TANGO6: variants seen among roughly 807,000 people sequenced by gnomAD.
TANGO6 encodes transport and golgi organization 6 homolog.
A neutral mutation model predicts 114.2 loss-of-function variants in TANGO6; 90 were observed. That is an observed-to-expected ratio of 0.79 (90% confidence interval 0.66 to 0.94). The LOEUF (loss-of-function observed/expected upper bound fraction) is 0.94, where lower values mean the gene tolerates loss of function less well. Among genes scored for constraint, TANGO6 ranks in the 40% least tolerant of loss-of-function variants. TANGO6 has a pLI of 0.00. For synonymous variants in TANGO6, 477 were observed against 509.8 expected (o/e 0.94, Z 0.87); for missense variants, 1,274 against 1,315.3 (o/e 0.97, Z 0.49).
intron 17 of TANGO6, among the ~76,000 whole-genome samples, chr16:69,057,777 C>T (rs1321419361): frequency 6.6e-6 from 1 of 152,128 alleles, no homozygotes; most frequent in Non-Finnish European, 1.5e-5. Context: ...AGTGTTCAGG[C>T]ACCCGGGTTT....
chr16:68,902,393 G>A lies in TANGO6; in HGVS notation c.1556G>A (p.Ser519Asn). 2 of 1,613,744 alleles carry A rather than the reference G, an allele frequency of 1.2e-6. No homozygotes were observed. The highest frequency in any genetic ancestry group is 1.7e-5 in the Admixed American group (1 of 59,986). The stretch of plus-strand genomic sequence containing the variant: ...CTGGAAAGGAAGAAGGCAATTGCCA[G>A]CCTGAAAGGATTTGCAGGGTTGGAC... ...GKLERKKAIA[S>N]LKGFAGLDKA... Residue 519 changes from serine (S) to asparagine (N), a missense_variant, in exon 9 of 18, where the codon AGC becomes AAC. Coordinates refer to ENST00000261778, the MANE Select transcript of TANGO6 (RefSeq NM_024562.2).
At chr16:68,858,493 G>T (rs1360804664) in intron 1 of TANGO6, among the ~76,000 whole-genome samples, 1 of 152,052 alleles carries the variant, frequency 6.6e-6, no homozygotes, top group East Asian at 1.9e-4. Context: ...TATATTGTTT[G>T]GTTTTTGGCA....
rs550415163 is a variant in TANGO6 at position 68,846,532 on chromosome 16, G to A, written c.94+2821G>A. 1.9e-5 allele frequency: 6 copies of A among 322,194 alleles called. No individual in the cohort carries two copies. In the East Asian group the frequency reaches 8.3e-4, roughly 44 times the overall value. The allele number at this position is 322,194 out of a possible 1,614,324, so 20.0% of individuals were successfully genotyped here. Reference sequence around the variant, plus strand: ...TTTTTTTTAGACGGAGTCTTGCTCTGTCGCCCAAGCTGGAGTGCAGTGGTG... The same window carrying A: ...TTTTTTTTAGACGGAGTCTTGCTCTATCGCCCAAGCTGGAGTGCAGTGGTG... On this transcript the variant is annotated intron_variant, in intron 1 of 17. Transcript: ENST00000261778.
At chr16:68,930,434 C>G in intron 14 of TANGO6, 139 bp downstream of exon 14, 1 of 651,324 alleles carries the variant, frequency 1.5e-6, no homozygotes, top group Non-Finnish European at 2.7e-6. Context: ...AGCTAGGACA[C>G]TTTAAGTCAT....
At chr16:68,896,520 A>G (rs1962707463) in intron 7 of TANGO6, among the ~76,000 whole-genome samples, 1 of 151,998 alleles carries the variant, frequency 6.6e-6, no homozygotes, top group African/African-American at 2.4e-5. Flanking sequence ...TATGTTGCCC[A>G]GGCTGGTCTT....
chr16:69,066,637 T>A (rs1455825478), intron 17 of TANGO6, among the ~76,000 whole-genome samples: 1 of 152,192 alleles, frequency 6.6e-6, no homozygotes, highest in Non-Finnish European at 1.5e-5. Flanking sequence ...AACCCAATTT[T>A]CTTAATGTGG....
intron 5 of TANGO6, among the ~76,000 whole-genome samples, chr16:68,877,430 C>G (rs1211530490): frequency 1.4e-5 from 2 of 145,804 alleles, no homozygotes; most frequent in Non-Finnish European, 3.0e-5. Context: ...ATTGCACCAC[C>G]GTATTCCAGC....
intron 14 of TANGO6, among the ~76,000 whole-genome samples, chr16:68,952,178 G>T (rs967914918): frequency 3.3e-5 from 5 of 152,128 alleles, no homozygotes; most frequent in Non-Finnish European, 5.9e-5. Flanking sequence ...GCAGAACAGC[G>T]ATTTAAATTT....
chr16:69,077,068 G>T (rs1205310713), intron 17 of TANGO6, among the ~76,000 whole-genome samples: 1 of 151,650 alleles, frequency 6.6e-6, no homozygotes, highest in Admixed American at 6.6e-5. Flanking sequence ...TGGAGACAGG[G>T]TCTCACTCTG....
intron 17 of TANGO6, among the ~76,000 whole-genome samples, chr16:69,056,576 CA>C (rs535868428): frequency 1.6e-3 from 211 of 128,806 alleles, no homozygotes; most frequent in Non-Finnish European, 1.7e-3. Flanking sequence ...AGTCCTGCAG[CA>C]AAAAAAAAAA....
intron 17 of TANGO6, among the ~76,000 whole-genome samples, chr16:69,076,208 C>T (rs1216229829): frequency 6.8e-6 from 1 of 146,966 alleles, no homozygotes; most frequent in Non-Finnish European, 1.5e-5. Context: ...TCTCGTGCCT[C>T]AGCCTTCCGA....
chr16:68,927,850 GC>G lies in TANGO6; in HGVS notation c.2416del (p.Gln806ArgfsTer29). 1 of 1,613,938 alleles carries G rather than the reference GC, an allele frequency of 6.2e-7. No individual in the cohort carries two copies. The highest frequency in any genetic ancestry group is 8.5e-7 in the Non-Finnish European group (1 of 1,179,878). ...HLEQQQSHET[A>X]PQTGLQSNAP... ...TGAACAACAGCAGAGCCATGAGACA[GC>G]CCCCCAGACAGGCCTGCAGTCAAAT... is the stretch of plus-strand genomic sequence containing the variant. On this transcript the variant is annotated frameshift_variant, in exon 13 of 18. Transcript: ENST00000261778. LOFTEE classifies it high-confidence loss of function.
rs765183362 is a variant in TANGO6 at position 68,909,319 on chromosome 16, C to G, written c.1909C>G (p.Gln637Glu). The G allele has an allele frequency of 6.2e-7, 1 of 1,609,530 alleles. No individual in the cohort carries two copies. ...EQHQTLLVEG[Q>E]ERKLLVLQLM... ...ACATCAGACTCTTCTTGTGGAAGGC[C>G]AAGAGCGGAAGCTGCTTGTCCTGCA... The change falls in exon 11 of 18, where the codon CAA becomes GAA. Residue 637 changes from glutamine (Q) to glutamate (E), a missense_variant. Physicochemically the swap from Gln to Glu is conservative, Grantham distance 29 (BLOSUM62 2). Coordinates refer to ENST00000261778, the MANE Select transcript of TANGO6 (RefSeq NM_024562.2).
intron 5 of TANGO6, among the ~76,000 whole-genome samples, chr16:68,877,670 C>T (rs535594164): frequency 7.3e-5 from 11 of 151,692 alleles, no homozygotes; most frequent in East Asian, 5.9e-4. Flanking sequence ...TGCAGTGGCG[C>T]GATCTCCGCT....
intron 10 of TANGO6, among the ~76,000 whole-genome samples, chr16:68,907,874 G>A (rs1210854397): frequency 2.0e-5 from 3 of 152,164 alleles, no homozygotes; most frequent in Non-Finnish European, 4.4e-5. Context: ...GCTCTGTGTT[G>A]ACAGTAAGAA....
intron 14 of TANGO6, among the ~76,000 whole-genome samples, chr16:68,943,661 G>A (rs1341451914): frequency 2.0e-5 from 3 of 151,936 alleles, no homozygotes; most frequent in Non-Finnish European, 4.4e-5. Flanking sequence ...CACCGCACCC[G>A]GCCAAGATAT....
At chr16:68,923,450 C>T (rs1022338462) in intron 12 of TANGO6, among the ~76,000 whole-genome samples, 1 of 152,094 alleles carries the variant, frequency 6.6e-6, no homozygotes, top group Non-Finnish European at 1.5e-5. Flanking sequence ...GAGAGAGGGA[C>T]GAGCCGCTGA....
At chr16:69,066,826 G>A (rs1960219097) in intron 17 of TANGO6, among the ~76,000 whole-genome samples, 1 of 152,098 alleles carries the variant, frequency 6.6e-6, no homozygotes, top group East Asian at 1.9e-4. Flanking sequence ...GCTGAGGTGG[G>A]GGGATTGCTT....
intron 17 of TANGO6, among the ~76,000 whole-genome samples, chr16:69,048,256 GTATTTTTTT>G (rs762077542): frequency 4.2e-5 from 4 of 94,462 alleles, no homozygotes; most frequent in Non-Finnish European, 8.4e-5. Flanking sequence ...CTAATTTTTT[GTATTTTTTT>G]TTTTTTTTTT....
Sources: allele counts gnomAD v4.1 joint callset (sites outside exome capture counted in the v4.1 genomes callset), GRCh38; gene constraint gnomAD v4.1.1; transcripts MANE v1.5; gene names NCBI Gene and HGNC (gene_info 2026-07-23, HGNC 2026-07-21).